BIRC2: variants seen among roughly 807,000 people sequenced by gnomAD.
BIRC2 encodes the protein baculoviral IAP repeat containing 2.
A neutral mutation model predicts 60.9 loss-of-function variants in BIRC2; 18 were observed. The ratio of observed to expected loss-of-function variants is 0.30; its 90% CI spans 0.20 to 0.44. The LOEUF (loss-of-function observed/expected upper bound fraction) is 0.44. Among genes scored for constraint, BIRC2 ranks in the 20% least tolerant of loss-of-function variants. BIRC2 has a pLI of 1.00. For missense variants in BIRC2, 701 were observed against 728.5 expected (o/e 0.96, Z 0.43); for synonymous variants, 282 against 247.7 (o/e 1.14, Z -1.30).
intron 5 of BIRC2, 122 bp downstream of exon 5, chr11:102,363,838 C>T: frequency 1.5e-6 from 1 of 660,036 alleles, no homozygotes; most frequent in Non-Finnish European, 2.5e-6. Flanking sequence ...TGACAGATCA[C>T]CTGAGGTCAG....
At position 102,368,442 on chromosome 11, in the gene BIRC2, T is replaced by C; in HGVS notation, c.1260T>C (p.Thr420=). ...CAGTTCAAAGTAAAATCCTGACAAC[T>C]GGAGAGAACTATAAAACAGTTAATG... ...KQTVQSKILT[T]GENYKTVNDI... is the part of the protein sequence containing the mutation. Residue 420 remains threonine, a synonymous_variant, in exon 6 of 9, where the codon ACT becomes ACC. Coordinates refer to ENST00000227758, the MANE Select transcript of BIRC2 (RefSeq NM_001166.5). The C allele has an allele frequency of 6.2e-7, 1 of 1,613,938 alleles. No individual in the cohort carries two copies.
At chr11:102,369,983 A>G (rs1303557925) in intron 6 of BIRC2, among the ~76,000 whole-genome samples, 4 of 152,112 alleles carry the variant, frequency 2.6e-5, no homozygotes, top group Non-Finnish European at 5.9e-5. Flanking sequence ...GTGCCTGTTC[A>G]TGTCCTTTGC....
At chr11:102,354,418 A>G (rs1951397521) in intron 3 of BIRC2, among the ~76,000 whole-genome samples, 1 of 152,172 alleles carries the variant, frequency 6.6e-6, no homozygotes, top group African/African-American at 2.4e-5. Context: ...CATGTTGGCC[A>G]GGCTGGTCTC....
intron 5 of BIRC2, among the ~76,000 whole-genome samples, chr11:102,365,957 C>T (rs977355749): frequency 1.3e-5 from 2 of 152,138 alleles, no homozygotes; most frequent in Admixed American, 1.3e-4. Context: ...TTTTCTATTT[C>T]CCTGGTTGGT....
At position 102,347,263 on chromosome 11, in the gene BIRC2, C is replaced by G. The variant is rs566947652; in HGVS notation, c.-1371C>G. ...TGGGGCGGCGGGCTTCGGGAGCGCCCGGGCTGATCCGAGCCGAGCGGGCCG... is the reference window on the plus strand; with the variant it reads ...TGGGGCGGCGGGCTTCGGGAGCGCCGGGGCTGATCCGAGCCGAGCGGGCCG... On this transcript the variant is annotated 5_prime_UTR_variant, in exon 1 of 9. Coordinates refer to ENST00000227758, the MANE Select transcript of BIRC2 (RefSeq NM_001166.5). The G allele has an allele frequency of 2.0e-5, 3 of 152,298 alleles. No homozygotes were observed. The highest frequency in any genetic ancestry group is 7.2e-5 in the African/African-American group (3 of 41,472). The allele number at this position is 152,298 out of a possible 1,614,324, so 9.4% of individuals were successfully genotyped here.
In BIRC2 at chr11:102,368,657, A is replaced by T. The variant is rs1027101976; in HGVS notation, c.1366+109A>T. ...TTCACATCCACTAACTGCTGGTAGC[A>T]GTCCTCCAGTCATTTCGAAACCATC... On this transcript the variant is annotated intron_variant, in intron 6 of 8. Transcript: ENST00000227758. 4.9e-6 allele frequency: 7 copies of T among 1,430,008 alleles called. No homozygotes were observed. The African/African-American group carries it at 5.7e-5, about 12-fold the overall frequency. 88.6% of individuals were successfully genotyped at this position (1,430,008 alleles called of 1,614,324 possible). A position where few individuals can be genotyped will look rare whatever the true frequency, so the allele number is the denominator to read the frequency against.
intron 3 of BIRC2, among the ~76,000 whole-genome samples, chr11:102,356,166 G>A (rs182026578): frequency 1.2e-4 from 18 of 147,208 alleles, no homozygotes; most frequent in Middle Eastern, 3.5e-3. Flanking sequence ...CCCTTGTCTC[G>A]TTCCTCATGT....
intron 3 of BIRC2, among the ~76,000 whole-genome samples, chr11:102,360,697 T>C (rs1417108129): frequency 6.6e-6 from 1 of 151,916 alleles, no homozygotes; most frequent in Admixed American, 6.6e-5. Context: ...TTTTTTTTTT[T>C]TTCTTTCTGT....
intron 5 of BIRC2, among the ~76,000 whole-genome samples, chr11:102,364,140 TA>T (rs1377411704): frequency 2.5e-4 from 3 of 12,200 alleles, no homozygotes; most frequent in African/African-American, 2.4e-3. Context: ...TAATAAATAT[TA>T]TATATATATA....
At chr11:102,372,092 A>AT (rs1421413898) in intron 6 of BIRC2, among the ~76,000 whole-genome samples, 1 of 151,614 alleles carries the variant, frequency 6.6e-6, no homozygotes, top group Non-Finnish European at 1.5e-5. Flanking sequence ...CGGTCTATCT[A>AT]TTTTGTTGAT....
intron 3 of BIRC2, among the ~76,000 whole-genome samples, chr11:102,362,197 G>A (rs1337675664): frequency 6.6e-6 from 1 of 151,886 alleles, no homozygotes; most frequent in African/African-American, 2.4e-5. Context: ...TTTATATTTA[G>A]GTATATGATC....
In BIRC2 at chr11:102,350,659, C is replaced by T. The variant is rs760167549; in HGVS notation, c.805C>T (p.His269Tyr). The change falls in exon 2 of 9, where the codon CAT (histidine) becomes TAT (tyrosine). Residue 269 changes from histidine to tyrosine, a missense_variant. By Grantham distance (83) the His-to-Tyr change is moderately conservative. Around this residue, in one of 4 missense-constraint regions of BIRC2, gnomAD observed 375 missense variants for 365.9 expected, o/e 1.02. Coordinates refer to ENST00000227758, the MANE Select transcript of BIRC2 (RefSeq NM_001166.5). ...FSISNLSMQT[H>Y]AARMRTFMYW... The stretch of plus-strand genomic sequence containing the variant: ...CATTTCAAATCTGAGCATGCAGACA[C>T]ATGCAGCTCGAATGAGAACATTTAT... The T allele has an allele frequency of 3.7e-6, 6 of 1,613,966 alleles. No individual in the cohort carries two copies. The Admixed American group carries it at 1.0e-4, about 27-fold the overall frequency.
intron 3 of BIRC2, among the ~76,000 whole-genome samples, chr11:102,352,656 C>CCTGA (rs1400400884): frequency 6.6e-6 from 1 of 152,094 alleles, no homozygotes; most frequent in Non-Finnish European, 1.5e-5. Context: ...GTCTTGAACT[C>CCTGA]CTGAGCTCAA....
chr11:102,372,197 C>T (rs1258107530), intron 6 of BIRC2, among the ~76,000 whole-genome samples: 1 of 151,974 alleles, frequency 6.6e-6, no homozygotes, highest in Admixed American at 6.6e-5. Flanking sequence ...TAGTTATTTC[C>T]TGCCTTCTGC....
Position 102,368,441 on chromosome 11 carries a change from C to T in BIRC2, c.1259C>T (p.Thr420Ile). The change falls in exon 6 of 9, where the codon ACT (threonine) becomes ATT (isoleucine). Residue 420 changes from threonine to isoleucine, a missense_variant. Thr to Ile is a moderately conservative substitution (Grantham distance 89). Transcript: ENST00000227758. ...ACAGTTCAAAGTAAAATCCTGACAACTGGAGAGAACTATAAAACAGTTAAT... is the reference window on the plus strand; with the variant it reads ...ACAGTTCAAAGTAAAATCCTGACAATTGGAGAGAACTATAAAACAGTTAAT... ...KQTVQSKILT[T>I]GENYKTVNDI... is the part of the protein sequence containing the mutation. 1 of 1,613,924 alleles carries T rather than the reference C, an allele frequency of 6.2e-7. No homozygotes were observed. Among genetic ancestry groups the T allele is most frequent in the South Asian group, 1.1e-5 (1 of 91,074 alleles).
At chr11:102,365,755 T>C (rs1236787633) in intron 5 of BIRC2, among the ~76,000 whole-genome samples, 2 of 151,960 alleles carry the variant, frequency 1.3e-5, no homozygotes, top group African/African-American at 2.4e-5. Context: ...TGTGTGTGTG[T>C]GTGTGTGTGT....
Position 102,350,149 on chromosome 11 carries a change from C to G in BIRC2, c.295C>G (p.Pro99Ala). Residue 99 changes from proline (P) to alanine (A), a missense_variant, in exon 2 of 9, where the codon CCT (proline) becomes GCT (alanine). Pro to Ala is a conservative substitution (Grantham distance 27). Transcript: ENST00000227758. ...GGATAACTGGAAACTAGGAGACAGT[C>G]CTATTCAAAAGCATAAACAGCTATA... ...MLDNWKLGDS[P>A]IQKHKQLYPS... 1 of 1,614,176 alleles carries G rather than the reference C, an allele frequency of 6.2e-7. No homozygotes were observed. The highest frequency in any genetic ancestry group is 8.5e-7 in the Non-Finnish European group (1 of 1,180,036).
intron 3 of BIRC2, among the ~76,000 whole-genome samples, chr11:102,351,614 C>CA (rs768269523): frequency 0.7 from 48,028 of 68,868 alleles, 17,218 homozygotes; most frequent in South Asian, 0.78. Context: ...GACTCTGTCT[C>CA]AAAAAAAAAA....
At chr11:102,366,542 A>AT (rs796573610) in intron 5 of BIRC2, among the ~76,000 whole-genome samples, 215 of 150,076 alleles carry the variant, frequency 1.4e-3, no homozygotes, top group Admixed American at 3.5e-3. Flanking sequence ...AATTTTTTGT[A>AT]TTTTTTTTTA....
Sources: gnomAD v4.1 joint callset for allele counts (sites outside exome capture counted in the v4.1 genomes callset) on GRCh38, gnomAD v4.1.1 for gene constraint, gnomAD v4.1.1 regional missense constraint, MANE v1.5 for transcripts, NCBI Gene and HGNC (gene_info 2026-07-23, HGNC 2026-07-21) for gene names.